Variants in CTNNA2 observed in about 807,000 individuals in gnomAD.
CTNNA2 encodes catenin alpha 2.
A neutral mutation model predicts 101.0 loss-of-function variants in CTNNA2; 42 were observed. The ratio of observed to expected loss-of-function variants is 0.42; its 90% CI spans 0.32 to 0.54. The LOEUF (loss-of-function observed/expected upper bound fraction) is 0.54. CTNNA2 is among the 20% of genes least tolerant of loss of function. The pLI, the probability that CTNNA2 is intolerant of heterozygous loss-of-function variation, is 0.14. For synonymous variants in CTNNA2, 450 were observed against 456.4 expected (o/e 0.99, Z 0.18); for missense variants, 871 against 1,223.1 (o/e 0.71, Z 4.29).
intron 7 of CTNNA2, among the ~76,000 whole-genome samples, chr2:80,220,688 G>A (rs1255091304): frequency 2.6e-5 from 4 of 152,186 alleles, no homozygotes; most frequent in Non-Finnish European, 5.9e-5. Context: ...TGCTTCTGTT[G>A]GACTTCTTGC....
intron 7 of CTNNA2, among the ~76,000 whole-genome samples, chr2:79,979,721 G>A (rs1347080137): frequency 6.6e-6 from 1 of 151,808 alleles, no homozygotes; most frequent in East Asian, 1.9e-4. Flanking sequence ...GGGAAAATAA[G>A]TATTTAAAAA....
chr2:80,313,681 G>A, intron 7 of CTNNA2: 6 of 1,559,676 alleles, frequency 3.8e-6, no homozygotes, highest in Non-Finnish European at 5.2e-6. Flanking sequence ...GGTAAGAAAG[G>A]AGTGTGAATT....
intron 1 of CTNNA2, among the ~76,000 whole-genome samples, chr2:79,533,404 C>T (rs1037127769): frequency 2.0e-5 from 3 of 151,952 alleles, no homozygotes; most frequent in Admixed American, 6.6e-5. Context: ...TGTTTTAAAA[C>T]ATGAAGTGAA....
rs114137838 is a variant in CTNNA2, at chr2:79,476,118, C to T, written c.-134-28936C>T. ...AAGTCCAAGATCACCCAGTGTCAAA[C>T]CAGAAGTTAAAAGGCAAAAGCAAGT... On this transcript the variant is annotated intron_variant, in intron 4 of 21. Coordinates refer to the CTNNA2 transcript ENST00000466387. Among the ~76,000 whole-genome samples, 212 of 152,150 alleles carry T rather than the reference C, an allele frequency of 1.4e-3. 1 individual carries two copies. The highest frequency in any genetic ancestry group is 4.9e-3 in the African/African-American group (203 of 41,512).
At chr2:80,505,932 A>G (rs1559165194) in intron 9 of CTNNA2, among the ~76,000 whole-genome samples, 2 of 152,210 alleles carry the variant, frequency 1.3e-5, no homozygotes, top group African/African-American at 2.4e-5. Flanking sequence ...AGGCAGCCTC[A>G]AGGGATATGT....
At position 80,162,727 on chromosome 2, in the gene CTNNA2, C is replaced by G. The variant is rs187674303; in HGVS notation, c.1057-230484C>G. Reference sequence around the variant, plus strand: ...TTAAAACTATGACTGTGTGATTGAACTGATGGTGAAAATCCTGATTGATCC... The same window carrying G: ...TTAAAACTATGACTGTGTGATTGAAGTGATGGTGAAAATCCTGATTGATCC... On this transcript the variant is annotated intron_variant, in intron 7 of 18. Transcript: ENST00000402739. 3.1e-6 allele frequency: 5 copies of G among 1,611,336 alleles called. No homozygotes were observed. In the East Asian group the frequency reaches 1.1e-4, roughly 36 times the overall value.
chr2:80,504,393 C>T (rs1266514789), intron 9 of CTNNA2, among the ~76,000 whole-genome samples: 1 of 152,152 alleles, frequency 6.6e-6, no homozygotes, highest in Non-Finnish European at 1.5e-5. Flanking sequence ...AGGCTGGGCT[C>T]TCCCAGGATC....
chr2:79,446,664 T>C (rs1021058437), intron 4 of CTNNA2, among the ~76,000 whole-genome samples: 9 of 152,030 alleles, frequency 5.9e-5, no homozygotes, highest in African/African-American at 2.2e-4. Flanking sequence ...GCAATCAGCT[T>C]TCAATTCTCT....
rs113274961 is a variant in CTNNA2 at position 79,436,637 on chromosome 2, CT to C, written c.-135+62636del. ...AGCAGGGGTACCTTGATTAAATATT[CT>C]TTTTTTTTTTTGAGGCAGAGTCTTG... On this transcript the variant is annotated intron_variant, in intron 4 of 21. Coordinates refer to the CTNNA2 transcript ENST00000466387. Among the ~76,000 whole-genome samples the C allele has an allele frequency of 2.2e-3, 322 of 146,552 alleles. 1 individual carries two copies. The highest frequency in any genetic ancestry group is 5.8e-3 in the African/African-American group (230 of 39,964).
At chr2:79,249,730 T>A (rs1427032054) in intron 2 of CTNNA2, among the ~76,000 whole-genome samples, 2 of 152,218 alleles carry the variant, frequency 1.3e-5, no homozygotes, top group Non-Finnish European at 2.9e-5. Flanking sequence ...ACTCTCTTTT[T>A]ATTTATTCCA....
At chr2:80,624,918 T>A (rs1671530989) in intron 18 of CTNNA2, among the ~76,000 whole-genome samples, 1 of 151,978 alleles carries the variant, frequency 6.6e-6, no homozygotes, top group African/African-American at 2.4e-5. Context: ...CTCTTGCCAA[T>A]GATCTGTGGC....
chr2:80,637,872 A>T (rs1027420112), intron 18 of CTNNA2, among the ~76,000 whole-genome samples: 1 of 152,094 alleles, frequency 6.6e-6, no homozygotes, highest in Non-Finnish European at 1.5e-5. Flanking sequence ...CTTTTCTCTC[A>T]GTGATTATGC....
intron 12 of CTNNA2, among the ~76,000 whole-genome samples, chr2:80,565,108 T>G (rs780690712): frequency 2.0e-5 from 3 of 150,754 alleles, no homozygotes; most frequent in Admixed American, 2.0e-4. Flanking sequence ...TGGATGAAAC[T>G]GGGTGGCTGA....
At chr2:79,302,128 A>C (rs143687191) in intron 2 of CTNNA2, among the ~76,000 whole-genome samples, 1 of 151,978 alleles carries the variant, frequency 6.6e-6, no homozygotes, top group Non-Finnish European at 1.5e-5. Flanking sequence ...GTAAATAAAT[A>C]AATAAATAAA....
intron 7 of CTNNA2, among the ~76,000 whole-genome samples, chr2:80,064,060 AAG>A (rs1291926697): frequency 6.6e-6 from 1 of 152,204 alleles, no homozygotes; most frequent in Non-Finnish European, 1.5e-5. Flanking sequence ...ATGAGGGAAA[AAG>A]AGGAGAGGGA....
At chr2:79,861,625 A>T (rs568798352) in intron 4 of CTNNA2, among the ~76,000 whole-genome samples, 12 of 152,338 alleles carry the variant, frequency 7.9e-5, no homozygotes, top group African/African-American at 2.9e-4. Flanking sequence ...TGCTCAAGTT[A>T]TGCTACTTGT....
At chr2:79,569,319 G>T (rs961211992) in intron 1 of CTNNA2, among the ~76,000 whole-genome samples, 2 of 152,060 alleles carry the variant, frequency 1.3e-5, no homozygotes, top group African/African-American at 4.8e-5. Flanking sequence ...GAACAGGGTC[G>T]GCTGGGGGGT....
intron 9 of CTNNA2, among the ~76,000 whole-genome samples, chr2:80,469,172 T>C (rs923952723): frequency 6.6e-6 from 1 of 152,190 alleles, no homozygotes. Flanking sequence ...CTCTTTCTTT[T>C]CTTAGGGTCT....
chr2:79,678,033 G>C (rs1280068676), intron 2 of CTNNA2, among the ~76,000 whole-genome samples: 1 of 152,136 alleles, frequency 6.6e-6, no homozygotes, highest in Non-Finnish European at 1.5e-5. Flanking sequence ...TTTATTTGTT[G>C]CTATGGTCAT....
Sources: gnomAD v4.1 joint callset for allele counts (sites outside exome capture counted in the v4.1 genomes callset) on GRCh38, gnomAD v4.1.1 for gene constraint, MANE v1.5 for transcripts, NCBI Gene and HGNC (gene_info 2026-07-23, HGNC 2026-07-21) for gene names.